The following PLPPR1 variants were observed in gnomAD, a reference collection of about 807,000 sequenced individuals.
PLPPR1 encodes the protein phospholipid phosphatase related 1.
A neutral mutation model predicts 33.1 loss-of-function variants in PLPPR1; 10 were observed. The observed-to-expected ratio is 0.30, with a 90% CI of 0.19 to 0.51. PLPPR1 has a LOEUF of 0.51. PLPPR1 is among the 20% of genes least tolerant of loss of function. The pLI, the probability that PLPPR1 is intolerant of heterozygous loss-of-function variation, is 0.97. For missense variants in PLPPR1, 304 were observed against 408.1 expected, an observed-to-expected ratio of 0.74 and a Z score of 2.20; for synonymous variants, 151 against 151.0, an observed-to-expected ratio of 1.00 and a Z score of 0.00.
chr9:101,240,441 T>C (rs145356222), intron 2 of PLPPR1, among the ~76,000 whole-genome samples: 86 of 152,062 alleles, frequency 5.7e-4, no homozygotes, highest in Middle Eastern at 3.4e-3. Flanking sequence ...AAGAATATCA[T>C]TGGCATTTTG....
chr9:101,292,544 T>A (rs1379046580), intron 4 of PLPPR1, among the ~76,000 whole-genome samples: 1 of 138,338 alleles, frequency 7.2e-6, no homozygotes, highest in East Asian at 2.3e-4. Context: ...CCAGAGAGAA[T>A]GGTCGGGTAA....
intron 1 of PLPPR1, among the ~76,000 whole-genome samples, chr9:101,166,100 A>T (rs574228228): frequency 2.0e-5 from 3 of 152,206 alleles, no homozygotes; most frequent in Non-Finnish European, 4.4e-5. Context: ...TTATAGCAAG[A>T]CCTACTTGTT....
Position 101,317,361 on chromosome 9 carries a change from G to T in PLPPR1, c.814-4G>T, listed in dbSNP as rs375789027. On this transcript the variant is annotated splice_polypyrimidine_tract_variant and splice_region_variant and intron_variant, in intron 6 of 7. Coordinates refer to ENST00000374874, the MANE Select transcript of PLPPR1 (RefSeq NM_207299.2). ...CCCATTCTTTTTTCCCCCTCATCCT[G>T]CAGGGAATGTGTGTGGTTCATAACT... The T allele has an allele frequency of 4.3e-6, 7 of 1,612,148 alleles. No individual in the cohort carries two copies. The highest frequency in any genetic ancestry group is 1.3e-5 in the African/African-American group (1 of 74,758).
chr9:101,029,424 C>T (rs1347084343), intron 1 of PLPPR1, among the ~76,000 whole-genome samples: 2 of 152,216 alleles, frequency 1.3e-5, no homozygotes, highest in Non-Finnish European at 1.5e-5. Flanking sequence ...ACCCTCCTGA[C>T]TGCATTCCGG....
At chr9:101,031,955 C>A (rs558420727) in intron 1 of PLPPR1, among the ~76,000 whole-genome samples, 1 of 152,014 alleles carries the variant, frequency 6.6e-6, no homozygotes, top group Non-Finnish European at 1.5e-5. Context: ...CATGGAAGCA[C>A]AAAGGGAGGG....
At chr9:101,188,562 ATCTT>A (rs1391552987) in intron 2 of PLPPR1, among the ~76,000 whole-genome samples, 3 of 152,086 alleles carry the variant, frequency 2.0e-5, no homozygotes, top group African/African-American at 7.2e-5. Flanking sequence ...GGTAGAAAAC[ATCTT>A]TGCCTTGTTG....
At chr9:101,249,526 T>C (rs369432140) in intron 2 of PLPPR1, among the ~76,000 whole-genome samples, 17 of 152,038 alleles carry the variant, frequency 1.1e-4, no homozygotes, top group Admixed American at 9.8e-4. Context: ...GGGTGGCGCA[T>C]ATAGCATGTT....
chr9:101,031,492 T>G (rs1829944369), intron 1 of PLPPR1, among the ~76,000 whole-genome samples: 1 of 152,246 alleles, frequency 6.6e-6, no homozygotes, highest in Non-Finnish European at 1.5e-5. Context: ...ACGTGTATGC[T>G]GTACACTTCA....
At chr9:101,076,010 G>A (rs374662862) in intron 1 of PLPPR1, among the ~76,000 whole-genome samples, 122 of 152,256 alleles carry the variant, frequency 8.0e-4, no homozygotes, top group African/African-American at 1.3e-3. Flanking sequence ...AGGGGCACGC[G>A]GGAGAGTGTC....
intron 1 of PLPPR1, among the ~76,000 whole-genome samples, chr9:101,074,913 A>G (rs1465515110): frequency 1.3e-5 from 2 of 152,166 alleles, no homozygotes; most frequent in Non-Finnish European, 2.9e-5. Flanking sequence ...TCTAAAGTGC[A>G]GTGTTTTACT....
At chr9:101,039,334 C>T (rs1830048607) in intron 1 of PLPPR1, among the ~76,000 whole-genome samples, 1 of 151,998 alleles carries the variant, frequency 6.6e-6, no homozygotes, top group African/African-American at 2.4e-5. Context: ...ATAAAAGTAC[C>T]CCTCCCACAG....
intron 1 of PLPPR1, among the ~76,000 whole-genome samples, chr9:101,142,350 C>A (rs933968938): frequency 1.3e-5 from 2 of 152,290 alleles, no homozygotes; most frequent in Admixed American, 6.5e-5. Flanking sequence ...CCCATCAGAA[C>A]TTGAAACTTG....
At chr9:101,173,459 G>A (rs766917407) in intron 1 of PLPPR1, among the ~76,000 whole-genome samples, 18 of 152,052 alleles carry the variant, frequency 1.2e-4, no homozygotes, top group African/African-American at 3.4e-4. Context: ...AGTACCTAAC[G>A]GATAAAACAG....
Position 101,269,776 on chromosome 9 carries a change from A to G in PLPPR1, c.64-104A>G. The G allele has an allele frequency of 2.7e-6, 3 of 1,103,176 alleles. No individual in the cohort carries two copies. The South Asian group carries it at 3.8e-5, about 14-fold the overall frequency. 68.3% of individuals were successfully genotyped at this position (1,103,176 alleles called of 1,614,324 possible). On this transcript the variant is annotated intron_variant, in intron 2 of 7. Transcript: ENST00000374874. The stretch of plus-strand genomic sequence containing the variant: ...CACGCACACACTCGCCAATACCAAT[A>G]TCAGGAGAGCCGCTGCTGGGGTGAT...
intron 2 of PLPPR1, among the ~76,000 whole-genome samples, chr9:101,193,270 C>A (rs555908085): frequency 9.2e-4 from 140 of 152,224 alleles, no homozygotes; most frequent in Non-Finnish European, 1.5e-3. Flanking sequence ...AAATATCCCA[C>A]CCCCTGTCTT....
At chr9:101,148,660 A>G (rs1294111721) in intron 1 of PLPPR1, among the ~76,000 whole-genome samples, 1 of 152,064 alleles carries the variant, frequency 6.6e-6, no homozygotes, top group African/African-American at 2.4e-5. Flanking sequence ...CTTACCCAAA[A>G]CACAATGTAG....
At chr9:101,253,728 T>C (rs1827750901) in intron 2 of PLPPR1, among the ~76,000 whole-genome samples, 1 of 152,132 alleles carries the variant, frequency 6.6e-6, no homozygotes, top group African/African-American at 2.4e-5. Context: ...TAAATATTCA[T>C]TCATGGGCTC....
At chr9:101,273,459 G>T (rs906715908) in intron 3 of PLPPR1, among the ~76,000 whole-genome samples, 4 of 152,140 alleles carry the variant, frequency 2.6e-5, no homozygotes, top group Admixed American at 6.5e-5. Flanking sequence ...AATGTATGTA[G>T]CCCCCATTCA....
At chr9:101,230,828 G>T (rs1588084801) in intron 2 of PLPPR1, among the ~76,000 whole-genome samples, 1 of 145,776 alleles carries the variant, frequency 6.9e-6, no homozygotes, top group African/African-American at 2.5e-5. Flanking sequence ...CATTATTAAA[G>T]TTTTTTTTTT....
Sources: gnomAD v4.1 joint callset for allele counts (sites outside exome capture counted in the v4.1 genomes callset) on GRCh38, gnomAD v4.1.1 for gene constraint, MANE v1.5 for transcripts, NCBI Gene and HGNC (gene_info 2026-07-23, HGNC 2026-07-21) for gene names.